The following ZFAT variants were observed in gnomAD, a reference collection of about 807,000 sequenced individuals.
ZFAT encodes the protein zinc finger protein ZFAT.
In ZFAT, 64 loss-of-function variants were observed where a neutral mutation model predicts 117.7. The observed-to-expected ratio is 0.54, with a 90% CI of 0.44 to 0.67. The LOEUF (loss-of-function observed/expected upper bound fraction) is 0.67. Ranked by LOEUF, ZFAT falls within the 30% of genes least tolerant of loss-of-function variation. The pLI, the probability that ZFAT is intolerant of heterozygous loss-of-function variation, is 0.00. For missense variants in ZFAT, 1,433 were observed against 1,584.5 expected (o/e 0.90, Z 1.62); for synonymous variants, 679 against 615.0 (o/e 1.10, Z -1.54).
chr8:134,703,883 GGAAGA>G (rs886120702), intron 1 of ZFAT, among the ~76,000 whole-genome samples: 3 of 152,154 alleles, frequency 2.0e-5, no homozygotes, highest in African/African-American at 7.2e-5. Context: ...GAATGGAAGG[GGAAGA>G]GAGGAGAGGG....
chr8:134,695,406 G>A (rs1258661872), intron 1 of ZFAT, among the ~76,000 whole-genome samples: 1 of 149,400 alleles, frequency 6.7e-6, no homozygotes, highest in Non-Finnish European at 1.5e-5. Context: ...GCCGCCCCCA[G>A]GCCCGGCCAT....
At chr8:134,702,764 C>T (rs952527574) in intron 1 of ZFAT, among the ~76,000 whole-genome samples, 12 of 151,942 alleles carry the variant, frequency 7.9e-5, no homozygotes, top group South Asian at 2.1e-4. Flanking sequence ...CTCCGCCTTC[C>T]GGGTTCACAC....
intron 12 of ZFAT, among the ~76,000 whole-genome samples, chr8:134,532,335 T>C (rs918932786): frequency 2.6e-5 from 4 of 152,154 alleles, no homozygotes; most frequent in African/African-American, 9.7e-5. Flanking sequence ...TAGTTATAAC[T>C]GCAAAAAAGA....
rs146348822 is a variant in ZFAT, at chr8:134,526,483, C to A, written c.3116-5482G>T. Among the ~76,000 whole-genome samples, 8 of 152,254 alleles carry A rather than the reference C, an allele frequency of 5.3e-5. No homozygotes were observed. The East Asian group carries it at 1.5e-3, about 29-fold the overall frequency. ...GATATTAAGTGCACACCATAAAAAC[C>A]AGGAGTCCTCAAATCACAATTTCCT... On this transcript the variant is annotated intron_variant, in intron 12 of 15. Transcript: ENST00000377838.
chr8:134,817,381 G>GTCTC, the ZFAT span, among the ~76,000 whole-genome samples: 8 of 120,898 alleles, frequency 6.6e-5, no homozygotes, highest in Non-Finnish European at 1.2e-4. Context: ...CAATCTCTCT[G>GTCTC]TCTCTCTCTC....
At chr8:134,670,213 G>A (rs994875277) in intron 1 of ZFAT, among the ~76,000 whole-genome samples, 1 of 152,148 alleles carries the variant, frequency 6.6e-6, no homozygotes, top group Non-Finnish European at 1.5e-5. Context: ...AGTTAACAAG[G>A]ATATCCGGGA....
upstream of ZFAT, among the ~76,000 whole-genome samples, chr8:134,717,707 C>G (rs1008055789): frequency 1.3e-5 from 2 of 150,994 alleles, no homozygotes; most frequent in African/African-American, 4.9e-5. Flanking sequence ...AGGATGGTCT[C>G]CATCTCCTGA....
chr8:134,680,179 T>C (rs1833005318), intron 1 of ZFAT, among the ~76,000 whole-genome samples: 1 of 151,022 alleles, frequency 6.6e-6, no homozygotes, highest in South Asian at 2.1e-4. Flanking sequence ...GGAGAATCGC[T>C]TGAACCCTGG....
chr8:134,807,400 C>T, the ZFAT span, among the ~76,000 whole-genome samples: 1 of 151,834 alleles, frequency 6.6e-6, no homozygotes, highest in Non-Finnish European at 1.5e-5. Flanking sequence ...AAACAATTAA[C>T]AGGAAACAAC....
chr8:134,607,618 A>G (rs1827989735), intron 5 of ZFAT, among the ~76,000 whole-genome samples: 1 of 152,250 alleles, frequency 6.6e-6, no homozygotes, highest in South Asian at 2.1e-4. Context: ...AGCTGAACTC[A>G]TACAGAGTAG....
chr8:134,639,809 T>C (rs370703290), intron 2 of ZFAT: 1 of 456,020 alleles, frequency 2.2e-6, no homozygotes. Flanking sequence ...AGAAACAGGG[T>C]GCCTAAGAGT....
chr8:134,674,196 A>G (rs1231333119), intron 1 of ZFAT, among the ~76,000 whole-genome samples: 2 of 152,220 alleles, frequency 1.3e-5, no homozygotes, highest in Admixed American at 6.5e-5. Flanking sequence ...AGCCAAGGGA[A>G]GCCGTGAGAG....
At chr8:134,609,443 A>G (rs1362263894) in intron 4 of ZFAT, among the ~76,000 whole-genome samples, 1 of 152,226 alleles carries the variant, frequency 6.6e-6, no homozygotes, top group Admixed American at 6.5e-5. Flanking sequence ...ACTATTCTGA[A>G]GTGAGTAGGG....
chr8:134,603,014 C>A, intron 5 of ZFAT, 81 bp from the exon 6 acceptor site: 1 of 1,525,916 alleles, frequency 6.6e-7, no homozygotes, highest in Admixed American at 2.1e-5. Flanking sequence ...ATGAACCAAA[C>A]ACTAAAGGCT....
intron 2 of ZFAT, chr8:134,639,722 C>T: frequency 2.2e-6 from 1 of 444,864 alleles, no homozygotes. Flanking sequence ...TCTACTGAAG[C>T]AGCAATTCAT....
intron 2 of ZFAT, among the ~76,000 whole-genome samples, chr8:134,655,150 G>C (rs1284213217): frequency 1.3e-5 from 2 of 152,138 alleles, no homozygotes. Context: ...AGGGAGGAGA[G>C]GGGCATGGGG....
At chr8:134,659,852 C>T (rs192435738) in intron 1 of ZFAT, among the ~76,000 whole-genome samples, 46 of 152,320 alleles carry the variant, frequency 3.0e-4, no homozygotes, top group African/African-American at 9.9e-4. Context: ...GGAGCAAGCC[C>T]CTCCCTGGGT....
intron 1 of ZFAT, among the ~76,000 whole-genome samples, chr8:134,709,963 C>G (rs930916875): frequency 6.6e-6 from 1 of 152,190 alleles, no homozygotes; most frequent in Non-Finnish European, 1.5e-5. Context: ...ACTCCCTTTC[C>G]TAAATTAACC....
Position 134,608,825 on chromosome 8 carries a change from T to C in ZFAT, c.689A>G (p.Asn230Ser). The C allele has an allele frequency of 6.2e-7, 1 of 1,609,988 alleles. No individual in the cohort carries two copies. Among genetic ancestry groups the C allele is most frequent in the Non-Finnish European group, 8.5e-7 (1 of 1,178,420 alleles). The change falls in exon 5 of 16, where the codon AAT becomes AGT. Residue 230 changes from asparagine (N) to serine (S), a missense_variant. Physicochemically the swap from Asn to Ser is conservative, Grantham distance 46. This residue lies in a region of ZFAT where 436 missense variants were observed against 482.0 expected (regional missense o/e 0.90). Transcript: ENST00000377838. Reference protein sequence around the residue: ...EAGPPETGATNSETTSADLVP... With the variant: ...EAGPPETGATSSETTSADLVP... Reference sequence around the variant, plus strand: ...CAGGTCTGCTGAAGTGGTCTCAGAATTTGTAGCTCCTGTTTCAGGGGGCCC... The same window carrying C: ...CAGGTCTGCTGAAGTGGTCTCAGAACTTGTAGCTCCTGTTTCAGGGGGCCC...
Sources: gnomAD v4.1 joint callset for allele counts (sites outside exome capture counted in the v4.1 genomes callset) on GRCh38, gnomAD v4.1.1 for gene constraint, gnomAD v4.1.1 regional missense constraint, MANE v1.5 for transcripts, NCBI Gene and HGNC (gene_info 2026-07-23, HGNC 2026-07-21) for gene names.